RABGAP1L: variants seen among roughly 807,000 people sequenced by gnomAD.
RABGAP1L encodes rab GTPase-activating protein 1-like.
RABGAP1L carries 63 observed loss-of-function variants against 137.7 expected under a neutral mutation model. The observed-to-expected ratio is 0.46, with a 90% CI of 0.37 to 0.56. The LOEUF (loss-of-function observed/expected upper bound fraction) is 0.56. RABGAP1L is among the 20% of genes least tolerant of loss of function. RABGAP1L has a pLI of 0.00. For synonymous variants in RABGAP1L, 431 were observed against 433.7 expected (o/e 0.99, Z 0.08); for missense variants, 1,095 against 1,244.0 (o/e 0.88, Z 1.80).
At chr1:174,217,684 G>C (rs971485843) in intron 1 of RABGAP1L, among the ~76,000 whole-genome samples, 1 of 152,034 alleles carries the variant, frequency 6.6e-6, no homozygotes, top group Non-Finnish European at 1.5e-5. Context: ...ATGTCGCTTG[G>C]GTTTTAAAAA....
At chr1:174,562,617 A>G (rs1667296230) in intron 13 of RABGAP1L, among the ~76,000 whole-genome samples, 1 of 152,196 alleles carries the variant, frequency 6.6e-6, no homozygotes, top group Non-Finnish European at 1.5e-5. Flanking sequence ...AATGTCCATC[A>G]GTGATAGACT....
chr1:174,247,036 T>C (rs528327600), intron 5 of RABGAP1L, among the ~76,000 whole-genome samples: 17 of 152,332 alleles, frequency 1.1e-4, no homozygotes, highest in East Asian at 7.7e-4. Flanking sequence ...TATTTTTTTT[T>C]CTCCATCATT....
At chr1:174,248,302 A>G (rs890833328) in intron 5 of RABGAP1L, among the ~76,000 whole-genome samples, 1 of 152,168 alleles carries the variant, frequency 6.6e-6, no homozygotes, top group Non-Finnish European at 1.5e-5. Context: ...ACCTAGACTA[A>G]TACTTGGTAT....
At chr1:174,872,200 G>C (rs1475092394) in intron 19 of RABGAP1L, among the ~76,000 whole-genome samples, 3 of 151,488 alleles carry the variant, frequency 2.0e-5, no homozygotes, top group African/African-American at 7.3e-5. Context: ...AATTTTCCTA[G>C]CAACTGCTAG....
chr1:174,256,609 C>T (rs191764047), intron 7 of RABGAP1L, among the ~76,000 whole-genome samples: 33 of 152,130 alleles, frequency 2.2e-4, no homozygotes, highest in Admixed American at 7.9e-4. Flanking sequence ...GGTGAAACCC[C>T]GTCTCTACTA....
chr1:174,472,663 T>C (rs545674804), intron 13 of RABGAP1L, among the ~76,000 whole-genome samples: 1 of 152,340 alleles, frequency 6.6e-6, no homozygotes, highest in South Asian at 2.1e-4. Flanking sequence ...TAAAGTGTTA[T>C]GTGCCAGAGA....
chr1:174,573,328 A>G (rs942956463), intron 13 of RABGAP1L, among the ~76,000 whole-genome samples: 2 of 151,714 alleles, frequency 1.3e-5, no homozygotes, highest in East Asian at 1.9e-4. Context: ...GTGTGTGTGT[A>G]TATATATAAC....
chr1:174,357,591 T>C (rs1683745068), intron 11 of RABGAP1L, among the ~76,000 whole-genome samples: 1 of 152,146 alleles, frequency 6.6e-6, no homozygotes, highest in Non-Finnish European at 1.5e-5. Flanking sequence ...CATGTTTTCA[T>C]TAAAGTTTTA....
chr1:174,869,793 TA>T (rs201729298), intron 19 of RABGAP1L, among the ~76,000 whole-genome samples: 61 of 151,738 alleles, frequency 4.0e-4, no homozygotes, highest in African/African-American at 1.3e-3. Context: ...AGTGCCCTTA[TA>T]AAAAAAACTC....
intron 13 of RABGAP1L, among the ~76,000 whole-genome samples, chr1:174,622,353 G>A (rs971155582): frequency 6.6e-6 from 1 of 152,044 alleles, no homozygotes; most frequent in African/African-American, 2.4e-5. Context: ...CCCATTACTG[G>A]GTATATACCC....
At chr1:174,865,164 C>A (rs1437238098) in intron 19 of RABGAP1L, among the ~76,000 whole-genome samples, 1 of 151,992 alleles carries the variant, frequency 6.6e-6, no homozygotes, top group African/African-American at 2.4e-5. Flanking sequence ...GTGCCACTTG[C>A]ACAAATATAT....
At chr1:174,172,632 C>A (rs748019595) in intron 1 of RABGAP1L, among the ~76,000 whole-genome samples, 7 of 151,970 alleles carry the variant, frequency 4.6e-5, no homozygotes, top group Non-Finnish European at 1.0e-4. Flanking sequence ...ACCTGTTGGC[C>A]CTTTGTATGT....
intron 13 of RABGAP1L, among the ~76,000 whole-genome samples, chr1:174,440,884 A>G (rs910258476): frequency 6.6e-6 from 1 of 151,904 alleles, no homozygotes; most frequent in Non-Finnish European, 1.5e-5. Flanking sequence ...CTTTGATACT[A>G]TATTGCTTGT....
chr1:174,720,704 A>G (rs1472793875), intron 17 of RABGAP1L, among the ~76,000 whole-genome samples: 2 of 152,058 alleles, frequency 1.3e-5, no homozygotes, highest in African/African-American at 4.8e-5. Context: ...TTGTACCCCT[A>G]CCTCTATGGC....
At chr1:174,246,750 G>T (rs1672298020) in intron 5 of RABGAP1L, among the ~76,000 whole-genome samples, 1 of 152,116 alleles carries the variant, frequency 6.6e-6, no homozygotes. Flanking sequence ...GTTTTGGGGG[G>T]TCCTAGAAAC....
chr1:174,480,936 A>G (rs1030164685), intron 13 of RABGAP1L, among the ~76,000 whole-genome samples: 1 of 152,144 alleles, frequency 6.6e-6, no homozygotes, highest in Admixed American at 6.5e-5. Flanking sequence ...CTCAAAACCA[A>G]GGTACTTAGG....
chr1:174,602,241 C>T (rs1670468692), intron 13 of RABGAP1L, among the ~76,000 whole-genome samples: 1 of 152,188 alleles, frequency 6.6e-6, no homozygotes, highest in African/African-American at 2.4e-5. Context: ...TTTAATTGGA[C>T]TTACAGTTCC....
chr1:174,777,229 A>G (rs1686595307), intron 18 of RABGAP1L, among the ~76,000 whole-genome samples: 1 of 152,238 alleles, frequency 6.6e-6, no homozygotes, highest in Non-Finnish European at 1.5e-5. Context: ...GAGATAGCAC[A>G]TGGTCCAGAC....
chr1:174,469,237 T>G (rs1657634743), intron 13 of RABGAP1L, among the ~76,000 whole-genome samples: 1 of 152,194 alleles, frequency 6.6e-6, no homozygotes, highest in Non-Finnish European at 1.5e-5. Flanking sequence ...TAATTGTATA[T>G]GAATATATTG....
Sources: allele counts gnomAD v4.1 joint callset (sites outside exome capture counted in the v4.1 genomes callset), GRCh38; gene constraint gnomAD v4.1.1; transcripts MANE v1.5; gene names NCBI Gene and HGNC (gene_info 2026-07-23, HGNC 2026-07-21).